Variants in VSTM2B observed in about 807,000 individuals in gnomAD.
VSTM2B encodes the protein V-set and transmembrane domain-containing protein 2B.
Under a neutral mutation model 24.0 loss-of-function variants are expected in VSTM2B, and 24 were observed. The observed-to-expected ratio is 1.00, with a 90% CI of 0.72 to 1.40. The LOEUF (loss-of-function observed/expected upper bound fraction) is 1.40, where lower values mean the gene tolerates loss of function less well. Among genes scored for constraint, VSTM2B ranks in the 40% most tolerant of loss-of-function variants. VSTM2B has a pLI of 0.00. For synonymous variants in VSTM2B, 226 were observed against 194.4 expected, an observed-to-expected ratio of 1.16 and a Z score of -1.35; for missense variants, 399 against 416.4, an observed-to-expected ratio of 0.96 and a Z score of 0.36.
chr19:29,536,144 G>A (rs1361108284), intron 4 of VSTM2B, among the ~76,000 whole-genome samples: 4 of 152,216 alleles, frequency 2.6e-5, no homozygotes, highest in Non-Finnish European at 2.9e-5. Context: ...GCCAGTCACT[G>A]GGAGCCTTCT....
rs1167801169 is a variant in VSTM2B at position 29,530,220 on chromosome 19, AGCT to A, written c.708_710del (p.Ala237del). 1 of 1,484,924 alleles carries A rather than the reference AGCT, an allele frequency of 6.7e-7. No individual in the cohort carries two copies. The highest frequency in any genetic ancestry group is 2.9e-5 in the East Asian group (1 of 34,462). The allele number at this position is 1,484,924 out of a possible 1,614,324, so 92.0% of individuals were successfully genotyped here. A position where few individuals can be genotyped will look rare whatever the true frequency, so the allele number is the denominator to read the frequency against. On this transcript the variant is annotated inframe_deletion, in exon 4 of 5. Coordinates refer to ENST00000335523, the MANE Select transcript of VSTM2B (RefSeq NM_001146339.2). ...ACACGCCCACCACCACAGTCGCGGCAGCTGCTGCTGCCTCGTCAGCGTCGCCGC... is the reference window on the plus strand; with the variant it reads ...ACACGCCCACCACCACAGTCGCGGCAGCTGCTGCCTCGTCAGCGTCGCCGC...
chr19:29,538,303 AG>A (rs1228856777), intron 4 of VSTM2B, among the ~76,000 whole-genome samples: 1 of 152,112 alleles, frequency 6.6e-6, no homozygotes, highest in African/African-American at 2.4e-5. Flanking sequence ...TATGCCAGAG[AG>A]TGGTTGGCAG....
Position 29,534,882 on chromosome 19 carries a change from A to G in VSTM2B, c.769+4592A>G, listed in dbSNP as rs116234606. On this transcript the variant is annotated intron_variant, in intron 4 of 4. Transcript: ENST00000335523. ...TCAGAAAAAAAGTCCCTATTTTTTA[A>G]GTGAGCCACTTTGGTAATGCCACGA... is the stretch of plus-strand genomic sequence containing the variant. 4.6e-3 allele frequency among the ~76,000 whole-genome samples: 701 copies of G among 152,298 alleles called. 9 individuals carry two copies. Among genetic ancestry groups the G allele is most frequent in the African/African-American group, 0.016 (655 of 41,570 alleles).
At chr19:29,528,206 C>T (rs1344175432) in intron 2 of VSTM2B, among the ~76,000 whole-genome samples, 1 of 152,214 alleles carries the variant, frequency 6.6e-6, no homozygotes, top group Non-Finnish European at 1.5e-5. Context: ...GGCAGGTGTG[C>T]ACCAGGGCAG....
intron 4 of VSTM2B, among the ~76,000 whole-genome samples, chr19:29,548,410 C>T (rs1970199051): frequency 6.6e-6 from 1 of 152,206 alleles, no homozygotes; most frequent in African/African-American, 2.4e-5. Context: ...AGCCCAACTG[C>T]ATCAGTGGCC....
At chr19:29,538,320 G>T (rs79553032) in intron 4 of VSTM2B, among the ~76,000 whole-genome samples, 2 of 152,108 alleles carry the variant, frequency 1.3e-5, no homozygotes, top group Non-Finnish European at 2.9e-5. Context: ...GGCAGGATCC[G>T]GGGGGATAAT....
intron 4 of VSTM2B, among the ~76,000 whole-genome samples, chr19:29,544,115 C>CTATATA (rs61055716): frequency 3.4e-5 from 5 of 148,162 alleles, no homozygotes; most frequent in African/African-American, 9.9e-5. Context: ...ATATATATAC[C>CTATATA]TATATATATA....
At chr19:29,563,714 C>T in intron 4 of VSTM2B, 132 bp from the exon 5 acceptor site, 2 of 707,966 alleles carry the variant, frequency 2.8e-6, no homozygotes, top group Non-Finnish European at 2.4e-6. Context: ...AGCCACTATG[C>T]ACCAGCCTCC....
At chr19:29,549,832 C>T (rs1286474364) in intron 4 of VSTM2B, among the ~76,000 whole-genome samples, 1 of 152,216 alleles carries the variant, frequency 6.6e-6, no homozygotes, top group African/African-American at 2.4e-5. Flanking sequence ...GGAGGCTCCT[C>T]CTTCAGCTGG....
chr19:29,543,245 T>A (rs1398778516), intron 4 of VSTM2B, among the ~76,000 whole-genome samples: 3 of 152,226 alleles, frequency 2.0e-5, no homozygotes, highest in Non-Finnish European at 4.4e-5. Flanking sequence ...CAATAATTCA[T>A]AATGCATTCT....
In VSTM2B at chr19:29,527,377, G is replaced by A; in HGVS notation, c.249G>A (p.Val83=). The A allele has an allele frequency of 6.5e-7, 1 of 1,540,486 alleles. No individual in the cohort carries two copies. The highest frequency in any genetic ancestry group is 1.2e-5 in the South Asian group (1 of 83,004). ...TGCTGCACGAGCTGGCGCTCAGCGT[G>A]CCGGGCGCCCGGAGCAAGGTAACCC... ...RELLHELALS[V]PGARSKVTNK... The change falls in exon 2 of 5, where the codon GTG becomes GTA. Residue 83 remains valine, a synonymous_variant. Coordinates refer to ENST00000335523, the MANE Select transcript of VSTM2B (RefSeq NM_001146339.2).
At chr19:29,543,617 C>G (rs1438726230) in intron 4 of VSTM2B, among the ~76,000 whole-genome samples, 1 of 152,210 alleles carries the variant, frequency 6.6e-6, no homozygotes, top group Non-Finnish European at 1.5e-5. Flanking sequence ...GGAGCTGAAG[C>G]CTGGACCCAT....
intron 4 of VSTM2B, among the ~76,000 whole-genome samples, chr19:29,556,377 A>C (rs185991461): frequency 6.6e-6 from 1 of 152,210 alleles, no homozygotes; most frequent in South Asian, 2.1e-4. Flanking sequence ...TATTGATGGA[A>C]CATACCTCAA....
chr19:29,540,780 C>G (rs916932171), intron 4 of VSTM2B, among the ~76,000 whole-genome samples: 1 of 152,114 alleles, frequency 6.6e-6, no homozygotes, highest in African/African-American at 2.4e-5. Flanking sequence ...GAGGAAGAGA[C>G]AGATATTGAT....
chr19:29,560,193 A>C (rs1568448707), intron 4 of VSTM2B, among the ~76,000 whole-genome samples: 1 of 152,170 alleles, frequency 6.6e-6, no homozygotes, highest in Non-Finnish European at 1.5e-5. Flanking sequence ...AAAGCAAGTC[A>C]TGTGACCAAG....
At chr19:29,550,520 C>A (rs1356498936) in intron 4 of VSTM2B, among the ~76,000 whole-genome samples, 1 of 152,112 alleles carries the variant, frequency 6.6e-6, no homozygotes, top group African/African-American at 2.4e-5. Context: ...AGAGGAGGGA[C>A]CTGTCTGTGA....
At chr19:29,536,395 C>T (rs1969891001) in intron 4 of VSTM2B, among the ~76,000 whole-genome samples, 1 of 152,156 alleles carries the variant, frequency 6.6e-6, no homozygotes. Flanking sequence ...TTCAGATGCC[C>T]CCTCTCTCCT....
At chr19:29,552,435 A>G (rs1269917137) in intron 4 of VSTM2B, among the ~76,000 whole-genome samples, 2 of 152,244 alleles carry the variant, frequency 1.3e-5, no homozygotes. Context: ...AAGGAAAAGC[A>G]GGGTGGTGCG....
intron 4 of VSTM2B, among the ~76,000 whole-genome samples, chr19:29,540,620 C>T (rs981411062): frequency 6.6e-5 from 10 of 152,180 alleles, no homozygotes; most frequent in Non-Finnish European, 1.2e-4. Context: ...TCCCCACTGT[C>T]CTATATTCAT....
Sources: gnomAD v4.1 joint callset for allele counts (sites outside exome capture counted in the v4.1 genomes callset) on GRCh38, gnomAD v4.1.1 for gene constraint, MANE v1.5 for transcripts, NCBI Gene and HGNC (gene_info 2026-07-23, HGNC 2026-07-21) for gene names.